The following REDIC1 variants were observed in gnomAD, a reference collection of about 807,000 sequenced individuals.
The protein encoded by REDIC1 is HEI10 Interacting Protein 1.
At chr12:39,780,935 A>G in the REDIC1 span, among the ~76,000 whole-genome samples, 31 of 152,370 alleles carry the variant, frequency 2.0e-4, no homozygotes, top group South Asian at 4.8e-3. Context: ...TTGTGCCATT[A>G]GTTACTGACA....
the REDIC1 span, among the ~76,000 whole-genome samples, chr12:39,726,916 G>A: frequency 0.29 from 43,495 of 152,118 alleles, 7,730 homozygotes; most frequent in Admixed American, 0.37. Context: ...AATGACCAGC[G>A]ATGATGAGCT....
the REDIC1 span, among the ~76,000 whole-genome samples, chr12:39,691,124 G>A: frequency 2.8e-4 from 43 of 152,272 alleles, no homozygotes; most frequent in Non-Finnish European, 5.4e-4. Flanking sequence ...AAAGGAAAAG[G>A]AAGTGGAGGA....
the REDIC1 span, chr12:39,830,221 T>C: frequency 1.9e-6 from 3 of 1,612,390 alleles, no homozygotes; most frequent in Non-Finnish European, 2.5e-6. Context: ...ATACATTCAT[T>C]ACAGTAACTG....
the REDIC1 span, among the ~76,000 whole-genome samples, chr12:39,795,876 T>G: frequency 1.4e-4 from 21 of 152,320 alleles, no homozygotes; most frequent in African/African-American, 4.8e-4. Flanking sequence ...TTATAATAGT[T>G]GTATTGGGAT....
chr12:39,829,817 C>A, the REDIC1 span: 1 of 371,366 alleles, frequency 2.7e-6, no homozygotes. Flanking sequence ...GAGAAATTGC[C>A]TTGGCAGTAT....
At chr12:39,792,476 G>T in the REDIC1 span, among the ~76,000 whole-genome samples, 1 of 152,082 alleles carries the variant, frequency 6.6e-6, no homozygotes, top group South Asian at 2.1e-4. Flanking sequence ...TTGAAATCTG[G>T]CATGTATTTG....
chr12:39,869,755 G>T, the REDIC1 span, among the ~76,000 whole-genome samples: 37 of 152,324 alleles, frequency 2.4e-4, no homozygotes, highest in African/African-American at 8.7e-4. Context: ...GAAGAGTTCA[G>T]GAAGATTCCT....
At chr12:39,680,250 C>A in the REDIC1 span, among the ~76,000 whole-genome samples, 50 of 152,120 alleles carry the variant, frequency 3.3e-4, no homozygotes, top group African/African-American at 1.2e-3. Context: ...GGACTAACAT[C>A]CAGAATCTAC....
the REDIC1 span, among the ~76,000 whole-genome samples, chr12:39,886,907 C>G: frequency 6.6e-6 from 1 of 152,050 alleles, no homozygotes; most frequent in African/African-American, 2.4e-5. Context: ...AAGTAGTGTC[C>G]AGATGTGTTT....
chr12:39,816,267 C>T, the REDIC1 span, among the ~76,000 whole-genome samples: 6 of 152,068 alleles, frequency 3.9e-5, no homozygotes, highest in South Asian at 6.2e-4. Flanking sequence ...CAAAAATTTC[C>T]TTTTCTCACT....
chr12:39,777,521 T>A, the REDIC1 span, among the ~76,000 whole-genome samples: 1 of 152,110 alleles, frequency 6.6e-6, no homozygotes, highest in African/African-American at 2.4e-5. Flanking sequence ...CCCGGGCCCA[T>A]GGACATAGGT....
At chr12:39,661,513 C>A in the REDIC1 span, among the ~76,000 whole-genome samples, 2 of 151,450 alleles carry the variant, frequency 1.3e-5, no homozygotes, top group Non-Finnish European at 3.0e-5. Context: ...TGTTTTTTTC[C>A]TGTTGAGTCA....
the REDIC1 span, among the ~76,000 whole-genome samples, chr12:39,662,745 G>C: frequency 6.6e-6 from 1 of 152,002 alleles, no homozygotes; most frequent in East Asian, 1.9e-4. Context: ...TTCCCATTCA[G>C]TATGATACCT....
chr12:39,641,036 T>A, the REDIC1 span: 2,796 of 1,514,618 alleles, frequency 1.8e-3, 5 homozygotes, highest in Non-Finnish European at 2.5e-3. Context: ...CTTATGAGAC[T>A]AATAACCTTG....
the REDIC1 span, chr12:39,646,731 C>G: frequency 2.9e-6 from 2 of 691,744 alleles, no homozygotes; most frequent in Non-Finnish European, 4.6e-6. Flanking sequence ...TAGTGATTTA[C>G]TTAGGTTTCT....
chr12:39,728,160 C>G, the REDIC1 span, among the ~76,000 whole-genome samples: 1 of 152,138 alleles, frequency 6.6e-6, no homozygotes, highest in Non-Finnish European at 1.5e-5. Context: ...ATTACCCTAG[C>G]CAGAACTTCC....
the REDIC1 span, among the ~76,000 whole-genome samples, chr12:39,799,994 T>C: frequency 6.6e-6 from 1 of 152,162 alleles, no homozygotes; most frequent in Non-Finnish European, 1.5e-5. Flanking sequence ...AAAATGAAGA[T>C]TGATGTCTAC....
At chr12:39,864,904 A>T in the REDIC1 span, 4 of 1,599,298 alleles carry the variant, frequency 2.5e-6, no homozygotes, top group Non-Finnish European at 3.4e-6. Flanking sequence ...AAAGTTTTAT[A>T]TTAGAGAAGA....
chr12:39,743,144 AC>A, the REDIC1 span, among the ~76,000 whole-genome samples: 1 of 152,172 alleles, frequency 6.6e-6, no homozygotes, highest in Admixed American at 6.5e-5. Context: ...GTTCCTTTTA[AC>A]AAGGCCTGTC....
Sources: gnomAD v4.1 joint callset for allele counts (sites outside exome capture counted in the v4.1 genomes callset) on GRCh38, gnomAD v4.1.1 for gene constraint, MANE v1.5 for transcripts, NCBI Gene and HGNC (gene_info 2026-07-23, HGNC 2026-07-21) for gene names.